Variants in FGF13 observed in about 807,000 individuals in gnomAD.
The protein encoded by FGF13 is fibroblast growth factor 13, also known as fibroblast growth factor homologous factor 2.
Under a neutral mutation model 19.5 loss-of-function variants are expected in FGF13, and 2 were observed. The ratio of observed to expected loss-of-function variants is 0.10; its 90% CI spans 0.04 to 0.32. The LOEUF is 0.32. Ranked by LOEUF, FGF13 falls within the 10% of genes least tolerant of loss-of-function variation. The pLI is 1.00. For missense variants in FGF13, 113 were observed against 192.7 expected (o/e 0.59, Z 2.45); for synonymous variants, 72 against 76.9 (o/e 0.94, Z 0.33).
intron 1 of FGF13, among the ~76,000 whole-genome samples, chrX:139,139,972 C>A (rs1219996837): frequency 9.0e-6 from 1 of 111,510 alleles, no homozygotes; most frequent in African/African-American, 3.3e-5. Flanking sequence ...ATGTCTCTTA[C>A]TGATTCTACT....
At chrX:139,098,544 C>T (rs759183456) in intron 1 of FGF13, among the ~76,000 whole-genome samples, 11 of 111,437 alleles carry the variant, frequency 9.9e-5, no homozygotes, top group Non-Finnish European at 1.9e-4. Context: ...TGGAATACTA[C>T]ACAACCGTAA....
intron 1 of FGF13, among the ~76,000 whole-genome samples, chrX:138,998,512 A>G (rs919607130): frequency 2.7e-5 from 3 of 111,174 alleles, no homozygotes; most frequent in Non-Finnish European, 3.8e-5. Flanking sequence ...GGAAAGAAAA[A>G]AAAAAAAGCA....
At chrX:139,121,357 C>G (rs763440302) in intron 1 of FGF13, among the ~76,000 whole-genome samples, 1 of 111,255 alleles carries the variant, frequency 9.0e-6, no homozygotes, top group Non-Finnish European at 1.9e-5. Flanking sequence ...TCCATCACTA[C>G]CTATACGATC....
At chrX:139,116,160 A>C (rs763071149) in intron 1 of FGF13, among the ~76,000 whole-genome samples, 15 of 112,558 alleles carry the variant, frequency 1.3e-4, no homozygotes, top group Non-Finnish European at 2.1e-4. Context: ...TGATTTCAAT[A>C]GAAAACTAAA....
At chrX:139,036,810 T>C (rs1335388302) in intron 1 of FGF13, among the ~76,000 whole-genome samples, 15 of 111,163 alleles carry the variant, frequency 1.3e-4, no homozygotes, top group Non-Finnish European at 5.7e-5. Flanking sequence ...GAGAGAGAAC[T>C]TGTGCAGGGG....
intron 3 of FGF13, among the ~76,000 whole-genome samples, chrX:138,849,669 AG>A (rs2091209378): frequency 9.0e-6 from 1 of 111,528 alleles, no homozygotes; most frequent in East Asian, 2.9e-4. Flanking sequence ...TCCAGAAGGC[AG>A]AATTTCTTAA....
chrX:138,732,965 T>A (rs2124292333), intron 1 of FGF13, among the ~76,000 whole-genome samples: 1 of 111,044 alleles, frequency 9.0e-6, no homozygotes, highest in African/African-American at 3.3e-5. Flanking sequence ...TTTAGCCAGT[T>A]TCACAGAGGA....
chrX:139,049,758 A>G (rs775380383), intron 1 of FGF13, among the ~76,000 whole-genome samples: 36 of 112,491 alleles, frequency 3.2e-4, no homozygotes, highest in Non-Finnish European at 1.5e-4. Context: ...CCCAGATGGC[A>G]ATAAGTTTCG....
chrX:138,831,427 T>C (rs1404392048), intron 3 of FGF13, among the ~76,000 whole-genome samples: 3 of 111,366 alleles, frequency 2.7e-5, no homozygotes, highest in Non-Finnish European at 5.7e-5. Context: ...AGAAAAGCCA[T>C]AGAGGCAGAA....
rs1351186780 is a variant in FGF13, at chrX:139,056,088, G to C, written c.-113+147328C>G. On this transcript the variant is annotated intron_variant, in intron 1 of 2. Transcript: ENST00000421460. Reference sequence around the variant, plus strand: ...ATTAATGAATGAATATAAGTGTCTGGGGAATCCCCAAAGCCTGCCACTTTT... The same window carrying C: ...ATTAATGAATGAATATAAGTGTCTGCGGAATCCCCAAAGCCTGCCACTTTT... Among the ~76,000 whole-genome samples the C allele has an allele frequency of 3.6e-5, 4 of 112,106 alleles. No individual in the cohort carries two copies. In the East Asian group the frequency reaches 1.1e-3, roughly 31 times the overall value.
intron 3 of FGF13, among the ~76,000 whole-genome samples, chrX:138,691,746 GT>G (rs774771210): frequency 1.3e-4 from 14 of 111,810 alleles, no homozygotes; most frequent in South Asian, 1.1e-3. Flanking sequence ...AAAAGGAGGT[GT>G]TATATATCCA....
chrX:138,903,477 A>G (rs2124213571), intron 1 of FGF13, among the ~76,000 whole-genome samples: 1 of 111,776 alleles, frequency 8.9e-6, no homozygotes, highest in Non-Finnish European at 1.9e-5. Flanking sequence ...GAGTGGTTCA[A>G]GTGGACCTTA....
chrX:138,632,753 T>C lies in FGF13; in HGVS notation c.*97A>G, dbSNP rs2089133507. ...TGCCTGTTTGTTTGGTAAATGTCAC[T>C]GACAAATTTGAACTTTTGGGTGAAG... On this transcript the variant is annotated 3_prime_UTR_variant, in exon 5 of 5. Coordinates refer to ENST00000315930, the MANE Select transcript of FGF13 (RefSeq NM_004114.5). 2 of 1,004,553 alleles carry C rather than the reference T, an allele frequency of 2.0e-6. No individual in the cohort carries two copies. The highest frequency in any genetic ancestry group is 1.9e-5 in the African/African-American group (1 of 52,833). 82.8% of individuals were successfully genotyped at this position (1,004,553 alleles called of 1,213,427 possible).
chrX:139,150,666 A>C (rs2083927643), intron 1 of FGF13, among the ~76,000 whole-genome samples: 1 of 112,159 alleles, frequency 8.9e-6, no homozygotes, highest in Non-Finnish European at 1.9e-5. Context: ...TCTATGTGCC[A>C]GGCACTGTGC....
At chrX:138,881,354 T>C (rs780081871) in intron 1 of FGF13, among the ~76,000 whole-genome samples, 1 of 111,960 alleles carries the variant, frequency 8.9e-6, no homozygotes, top group Admixed American at 9.5e-5. Context: ...GTACATAGTA[T>C]TATGTCACAT....
intron 1 of FGF13, among the ~76,000 whole-genome samples, chrX:139,172,398 T>C (rs1449097219): frequency 9.0e-6 from 1 of 111,452 alleles, no homozygotes; most frequent in Non-Finnish European, 1.9e-5. Context: ...AATATGGGGC[T>C]TGCGTCCAAA....
chrX:138,625,512 A>G lies in FGF13; in HGVS notation c.*7338T>C, dbSNP rs1204788814. On this transcript the variant is annotated 3_prime_UTR_variant, in exon 5 of 5. Transcript: ENST00000315930. ...ATATATATATACATATATATATATA[A>G]TATAATATATATATATATCTTAGCC... is the stretch of plus-strand genomic sequence containing the variant. The G allele has an allele frequency of 1.1e-5, 1 of 91,033 alleles. No individual in the cohort carries two copies. Among genetic ancestry groups the G allele is most frequent in the Non-Finnish European group, 2.0e-5 (1 of 49,983 alleles). 7.5% of individuals were successfully genotyped at this position (91,033 alleles called of 1,213,427 possible). A position where few individuals can be genotyped will look rare whatever the true frequency, so the allele number is the denominator to read the frequency against.
chrX:138,686,207 A>G (rs1301610266), intron 3 of FGF13, among the ~76,000 whole-genome samples: 2 of 111,723 alleles, frequency 1.8e-5, no homozygotes, highest in Non-Finnish European at 3.8e-5. Flanking sequence ...AATATTAGAG[A>G]ATGCTGTTTA....
At chrX:138,833,570 G>A (rs976019039) in intron 3 of FGF13, among the ~76,000 whole-genome samples, 2 of 111,485 alleles carry the variant, frequency 1.8e-5, no homozygotes, top group South Asian at 3.8e-4. Context: ...TGAGACTAGG[G>A]TTTTCTAGAT....
Sources: allele counts gnomAD v4.1 joint callset (sites outside exome capture counted in the v4.1 genomes callset), GRCh38; gene constraint gnomAD v4.1.1; transcripts MANE v1.5; gene names NCBI Gene and HGNC (gene_info 2026-07-23, HGNC 2026-07-21).